Variants in KIF26B observed in about 807,000 individuals in gnomAD.
KIF26B encodes kinesin-like protein KIF26B.
KIF26B carries 63 observed loss-of-function variants against 151.2 expected under a neutral mutation model. The observed-to-expected ratio is 0.42, with a 90% CI of 0.34 to 0.51. KIF26B has a LOEUF of 0.51. Ranked by LOEUF, KIF26B falls within the 20% of genes least tolerant of loss-of-function variation. The probability of loss-of-function intolerance (pLI) is 0.07; values close to 1 mark genes in which losing one functional copy is unlikely to be tolerated. For missense variants in KIF26B, 2,813 were observed against 2,913.6 expected, an observed-to-expected ratio of 0.97 and a Z score of 0.79; for synonymous variants, 1,357 against 1,262.1, an observed-to-expected ratio of 1.08 and a Z score of -1.59.
intron 10 of KIF26B, among the ~76,000 whole-genome samples, chr1:245,663,090 A>G (rs554678320): frequency 2.6e-5 from 4 of 151,524 alleles, no homozygotes; most frequent in Admixed American, 6.6e-5. Flanking sequence ...TGATCTCCCC[A>G]AAGTCTGGAC....
chr1:245,552,612 C>T (rs926122056), intron 5 of KIF26B, among the ~76,000 whole-genome samples: 6 of 132,444 alleles, frequency 4.5e-5, no homozygotes, highest in Non-Finnish European at 7.9e-5. Context: ...TGTCATCTTC[C>T]TGGATTTTTT....
chr1:245,459,310 T>C (rs1474519848), intron 4 of KIF26B, among the ~76,000 whole-genome samples: 1 of 152,228 alleles, frequency 6.6e-6, no homozygotes, highest in Admixed American at 6.5e-5. Context: ...CACTACTGTT[T>C]CTGGTAGGTC....
At chr1:245,623,038 T>G (rs1005701505) in intron 9 of KIF26B, among the ~76,000 whole-genome samples, 45 of 144,904 alleles carry the variant, frequency 3.1e-4, no homozygotes, top group African/African-American at 6.7e-4. Context: ...TTTTTTTTTT[T>G]TTTTTTTTTT....
At chr1:245,306,187 A>G (rs746777032) in intron 2 of KIF26B, among the ~76,000 whole-genome samples, 1 of 152,230 alleles carries the variant, frequency 6.6e-6, no homozygotes. Context: ...AAAATGTGGC[A>G]TGATCTATAT....
In KIF26B at chr1:245,702,949, G is replaced by C. The variant is rs2044792122; in HGVS notation, c.*343G>C. On this transcript the variant is annotated 3_prime_UTR_variant, in exon 15 of 15. Coordinates refer to ENST00000407071, the MANE Select transcript of KIF26B (RefSeq NM_018012.4). This position sits in a 1 kb window ranked among gnomAD's most constrained non-coding sequence, Gnocchi z 4.1. ...CTTCTCTTGCTTTCGTGAGAAAGGA[G>C]GGGCGTGGATGTAGGATTGCTGTGG... 4.1e-6 allele frequency: 1 copy of C among 241,870 alleles called. No homozygotes were observed. 15.0% of individuals were successfully genotyped at this position (241,870 alleles called of 1,614,324 possible). A position where few individuals can be genotyped will look rare whatever the true frequency, so the allele number is the denominator to read the frequency against.
intron 2 of KIF26B, among the ~76,000 whole-genome samples, chr1:245,185,581 A>G (rs1474926193): frequency 1.3e-5 from 2 of 152,152 alleles, no homozygotes; most frequent in Non-Finnish European, 2.9e-5. Context: ...TCTCTCAGCA[A>G]AGTCTGAAGG....
intron 2 of KIF26B, among the ~76,000 whole-genome samples, chr1:245,252,276 CAAAAAAA>C (rs5782329): frequency 8.8e-6 from 1 of 113,766 alleles, no homozygotes; most frequent in Non-Finnish European, 1.9e-5. Context: ...GACCTTGTCT[CAAAAAAA>C]AAAAAAAAAA....
chr1:245,428,266 G>A (rs540075372), intron 4 of KIF26B, among the ~76,000 whole-genome samples: 1 of 152,232 alleles, frequency 6.6e-6, no homozygotes, highest in Admixed American at 6.5e-5. Flanking sequence ...TTGATGAAGT[G>A]AATTTTTAGG....
intron 2 of KIF26B, among the ~76,000 whole-genome samples, chr1:245,180,195 T>C (rs1376213388): frequency 6.6e-6 from 1 of 152,244 alleles, no homozygotes; most frequent in African/African-American, 2.4e-5. Flanking sequence ...CTATGAAATA[T>C]TGGAGGATGT....
intron 2 of KIF26B, among the ~76,000 whole-genome samples, chr1:245,191,362 C>G (rs1367504638): frequency 6.6e-6 from 1 of 152,000 alleles, no homozygotes; most frequent in Non-Finnish European, 1.5e-5. Context: ...GTAATCCCAG[C>G]TACTCGGGAG....
intron 4 of KIF26B, among the ~76,000 whole-genome samples, chr1:245,525,089 A>T (rs1661209873): frequency 6.6e-6 from 1 of 151,140 alleles, no homozygotes; most frequent in Non-Finnish European, 1.5e-5. Flanking sequence ...CTTGCCTTCT[A>T]CTCTGCACCT....
intron 2 of KIF26B, among the ~76,000 whole-genome samples, chr1:245,284,891 T>C (rs1415627238): frequency 6.6e-6 from 1 of 152,020 alleles, no homozygotes; most frequent in African/African-American, 2.4e-5. Context: ...AATACAAAAT[T>C]AGCCGGGCGT....
intron 2 of KIF26B, among the ~76,000 whole-genome samples, chr1:245,235,526 G>T (rs188372304): frequency 2.8e-4 from 43 of 152,158 alleles, no homozygotes; most frequent in Admixed American, 1.9e-3. Context: ...CTAAGAGTTT[G>T]AGGTTGCAAT....
chr1:245,234,524 G>A, intron 2 of KIF26B: 1 of 152,448 alleles, frequency 6.6e-6, no homozygotes, highest in Admixed American at 6.5e-5. Context: ...ATGGCTACAG[G>A]ACTGGGCGGG....
chr1:245,219,535 C>G (rs997591895), intron 2 of KIF26B, among the ~76,000 whole-genome samples: 1 of 151,930 alleles, frequency 6.6e-6, no homozygotes, highest in African/African-American at 2.4e-5. Flanking sequence ...GGGTTTCAGA[C>G]TAGCCTGGGC....
At chr1:245,305,891 C>T (rs1054163052) in intron 2 of KIF26B, among the ~76,000 whole-genome samples, 3 of 138,966 alleles carry the variant, frequency 2.2e-5, no homozygotes, top group South Asian at 2.2e-4. Context: ...GAGCCGAGAT[C>T]GCACCACTGC....
chr1:245,652,663 G>A (rs769330854), intron 10 of KIF26B, among the ~76,000 whole-genome samples: 4 of 152,108 alleles, frequency 2.6e-5, no homozygotes, highest in Non-Finnish European at 4.4e-5. Context: ...GGGATCGGCC[G>A]GGGTCACAAA....
At chr1:245,498,286 G>A (rs553866121) in intron 4 of KIF26B, among the ~76,000 whole-genome samples, 6 of 152,248 alleles carry the variant, frequency 3.9e-5, no homozygotes, top group African/African-American at 1.4e-4. Flanking sequence ...AGACCTCAGG[G>A]GCAACTCAGG....
intron 9 of KIF26B, among the ~76,000 whole-genome samples, chr1:245,615,315 C>A (rs1382043623): frequency 6.6e-6 from 1 of 152,220 alleles, no homozygotes; most frequent in Non-Finnish European, 1.5e-5. Context: ...ATCTCTCCTC[C>A]TTCCAGGTTT....
Sources: gnomAD v4.1 joint callset for allele counts (sites outside exome capture counted in the v4.1 genomes callset) on GRCh38, gnomAD v4.1.1 for gene constraint, Gnocchi (gnomAD v3.1) non-coding constraint, MANE v1.5 for transcripts, NCBI Gene and HGNC (gene_info 2026-07-23, HGNC 2026-07-21) for gene names.